SCN7A: variants seen among roughly 807,000 people sequenced by gnomAD.
The protein encoded by SCN7A is sodium voltage-gated channel alpha subunit 7.
SCN7A carries 138 observed loss-of-function variants against 155.2 expected under a neutral mutation model. The ratio of observed to expected loss-of-function variants is 0.89; its 90% CI spans 0.77 to 1.02. The LOEUF is 1.02. Among genes scored for constraint, SCN7A ranks in the 50% least tolerant of loss-of-function variants. SCN7A has a pLI of 0.00. For synonymous variants in SCN7A, 693 were observed against 649.0 expected (o/e 1.07, Z -1.03); for missense variants, 2,058 against 1,986.6 (o/e 1.04, Z -0.68).
intron 5 of SCN7A, among the ~76,000 whole-genome samples, chr2:166,472,669 A>G (rs185913132): frequency 6.6e-4 from 101 of 152,000 alleles, no homozygotes; most frequent in African/African-American, 2.3e-3. Flanking sequence ...ACAGAATTTA[A>G]AGCCCTAGCT....
chr2:166,465,810 T>C lies in SCN7A; in HGVS notation c.842A>G (p.Asn281Ser). 3 of 1,613,904 alleles carry C rather than the reference T, an allele frequency of 1.9e-6. No homozygotes were observed. Among genetic ancestry groups the C allele is most frequent in the African/African-American group, 1.3e-5 (1 of 75,038 alleles). The change falls in exon 8 of 26, where the codon AAC becomes AGC. Residue 281 changes from asparagine to serine, a missense_variant. Physicochemically the swap from Asn to Ser is conservative, Grantham distance 46. Transcript: ENST00000643258. ...AATATAATATGGGTTTCCAGTTCTG[T>C]TGTGCAGGGTTTCATTTTCATTCTC... Reference protein sequence around the residue: ...PQENENETLHNRTGNPYYIRE... With the variant: ...PQENENETLHSRTGNPYYIRE...
Position 166,403,581 on chromosome 2 carries a change from A to G in SCN7A, c.*1999T>C, listed in dbSNP as rs997341065. The G allele has an allele frequency of 1.3e-5, 2 of 152,028 alleles. No homozygotes were observed. Among genetic ancestry groups the G allele is most frequent in the African/African-American group, 4.8e-5 (2 of 41,438 alleles). The allele number at this position is 152,028 out of a possible 1,614,324, so 9.4% of individuals were successfully genotyped here. On this transcript the variant is annotated 3_prime_UTR_variant, in exon 26 of 26. Coordinates refer to ENST00000643258, the MANE Select transcript of SCN7A (RefSeq NM_002976.4). ...AAACAAACATAGCTTAATGTGGTTT[A>G]CAGGTTATATTTATTATTTTCTATA...
At chr2:166,414,263 T>TACAC (rs752928949) in intron 21 of SCN7A, among the ~76,000 whole-genome samples, 2 of 75,034 alleles carry the variant, frequency 2.7e-5, no homozygotes, top group East Asian at 6.8e-4. Flanking sequence ...TAGATATATA[T>TACAC]ACACACACAT....
Position 166,441,682 on chromosome 2 carries a change from C to G in SCN7A, c.1871G>C (p.Trp624Ser). 1 of 1,613,814 alleles carries G rather than the reference C, an allele frequency of 6.2e-7. No individual in the cohort carries two copies. Among genetic ancestry groups the G allele is most frequent in the Middle Eastern group, 1.7e-4 (1 of 6,056 alleles). The stretch of plus-strand genomic sequence containing the variant: ...CAGGACCAAGTCTTTCAGGGCCACC[C>G]ATGAGTTACTAAGAGACCACATCAA... ...QILMWSLSNSWVALKDLVLLL... is the reference protein window; with the variant it reads ...QILMWSLSNSSVALKDLVLLL... The change falls in exon 15 of 26, where the codon TGG becomes TCG. Residue 624 changes from tryptophan (W) to serine (S), a missense_variant. By Grantham distance (177) the Trp-to-Ser change is radical. Transcript: ENST00000643258.
At chr2:166,427,127 T>C (rs1575016397) in intron 18 of SCN7A, among the ~76,000 whole-genome samples, 3 of 152,160 alleles carry the variant, frequency 2.0e-5, no homozygotes, top group African/African-American at 4.8e-5. Flanking sequence ...ATTGTAAATA[T>C]GCACATAGCT....
Position 166,427,785 on chromosome 2 carries a change from T to TA in SCN7A, c.2853+2dup. 3 of 1,604,644 alleles carry TA rather than the reference T, an allele frequency of 1.9e-6. No individual in the cohort carries two copies. Among genetic ancestry groups the TA allele is most frequent in the Middle Eastern group, 1.7e-4 (1 of 6,020 alleles). On this transcript the variant is annotated splice_region_variant and intron_variant, in intron 18 of 25. Transcript: ENST00000643258. ...GTATCAAACACCCTGGCTGCCCACT[T>TA]ACCAGAGTGCCAGTGCTGAGCAGAG...
intron 11 of SCN7A, among the ~76,000 whole-genome samples, chr2:166,453,412 A>C (rs1029833038): frequency 1.3e-5 from 2 of 152,200 alleles, no homozygotes; most frequent in Admixed American, 1.3e-4. Flanking sequence ...TGACCGCAAT[A>C]GTTTGTATAA....
Position 166,406,185 on chromosome 2 carries a change from T to A in SCN7A, c.4444A>T (p.Ile1482Leu). The change falls in exon 26 of 26, where the codon ATA becomes TTA. Residue 1482 changes from isoleucine to leucine, a missense_variant. Ile to Leu is a conservative substitution (Grantham distance 5). Coordinates refer to ENST00000643258, the MANE Select transcript of SCN7A (RefSeq NM_002976.4). ...ATATTTACAATGATCAGCCATGATA[T>A]GAGGATATAACTGACAAAATAAAAA... The part of the protein sequence containing the change: ...GIFYFVSYIL[I>L]SWLIIVNMYI... 1 of 1,612,758 alleles carries A rather than the reference T, an allele frequency of 6.2e-7. No homozygotes were observed. The highest frequency in any genetic ancestry group is 8.5e-7 in the Non-Finnish European group (1 of 1,179,314).
intron 20 of SCN7A, among the ~76,000 whole-genome samples, chr2:166,419,533 A>C (rs1701466009): frequency 6.6e-6 from 1 of 151,684 alleles, no homozygotes. Context: ...CACCTGGCTA[A>C]TTTTTGTATT....
At chr2:166,409,341 C>T (rs912944703) in intron 25 of SCN7A, among the ~76,000 whole-genome samples, 3 of 151,914 alleles carry the variant, frequency 2.0e-5, no homozygotes, top group East Asian at 3.9e-4. Flanking sequence ...AAGACATAAA[C>T]GTCTTTCTAG....
Position 166,404,642 on chromosome 2 carries a change from C to T in SCN7A, c.*938G>A, listed in dbSNP as rs1273511783. The T allele has an allele frequency of 1.3e-5, 2 of 151,664 alleles. No homozygotes were observed. The highest frequency in any genetic ancestry group is 2.9e-5 in the Non-Finnish European group (2 of 67,828). The allele number at this position is 151,664 out of a possible 1,614,324, so 9.4% of individuals were successfully genotyped here. ...CTATACATAATGGTAGTTCTCAACT[C>T]TTCTAATTCATGTTTAAACATACAT... On this transcript the variant is annotated 3_prime_UTR_variant, in exon 26 of 26. Coordinates refer to ENST00000643258, the MANE Select transcript of SCN7A (RefSeq NM_002976.4).
Position 166,465,935 on chromosome 2 carries a change from A to G in SCN7A, c.717T>C (p.Gly239=). The change falls in exon 8 of 26, where the codon GGT becomes GGC. Residue 239 remains glycine (G), a synonymous_variant. Transcript: ENST00000643258. ...VLIHCLKQLI[G]VIILTLFFLS... ...GAAAAAACAGAGTTAGGATAATGACACCAATAAGCTGCTTCAAGCAGTGGA... is the reference window on the plus strand; with the variant it reads ...GAAAAAACAGAGTTAGGATAATGACGCCAATAAGCTGCTTCAAGCAGTGGA... The G allele has an allele frequency of 2.5e-6, 4 of 1,613,602 alleles. No homozygotes were observed. Among genetic ancestry groups the G allele is most frequent in the Non-Finnish European group, 3.4e-6 (4 of 1,179,712 alleles).
chr2:166,473,907 A>G lies in SCN7A; in HGVS notation c.354-19T>C, dbSNP rs1192875710. Reference sequence around the variant, plus strand: ...GAAAAAGGTAGCTTATAGTCAAGGAATAATAGTTAATAAATAATATTGGAA... The same window carrying G: ...GAAAAAGGTAGCTTATAGTCAAGGAGTAATAGTTAATAAATAATATTGGAA... On this transcript the variant is annotated intron_variant, in intron 4 of 25. Coordinates refer to ENST00000643258, the MANE Select transcript of SCN7A (RefSeq NM_002976.4). 12 of 1,225,484 alleles carry G rather than the reference A, an allele frequency of 9.8e-6. No homozygotes were observed. The highest frequency in any genetic ancestry group is 1.5e-5 in the African/African-American group (1 of 66,750). 75.9% of individuals were successfully genotyped at this position (1,225,484 alleles called of 1,614,324 possible).
chr2:166,463,090 A>G (rs917553669), intron 9 of SCN7A, among the ~76,000 whole-genome samples: 6 of 152,242 alleles, frequency 3.9e-5, no homozygotes, highest in African/African-American at 1.2e-4. Context: ...GGTTGAGGGT[A>G]TAATTTTCAA....
At chr2:166,470,535 A>G (rs2105496384) in intron 7 of SCN7A, 80 bp downstream of exon 7, 2 of 1,202,890 alleles carry the variant, frequency 1.7e-6, no homozygotes, top group Middle Eastern at 2.9e-4. Flanking sequence ...TTTCCTCTGA[A>G]CAACAACAGG....
intron 10 of SCN7A, among the ~76,000 whole-genome samples, chr2:166,458,572 G>A (rs1041474896): frequency 6.6e-5 from 10 of 152,066 alleles, no homozygotes; most frequent in Admixed American, 5.2e-4. Flanking sequence ...ATATACAACA[G>A]TGATCTCAAA....
At chr2:166,440,896 G>A (rs1196882010) in intron 15 of SCN7A, 1 of 156,852 alleles carries the variant, frequency 6.4e-6, no homozygotes, top group Non-Finnish European at 1.4e-5. Flanking sequence ...CCAATAGGTG[G>A]TGTATACAGC....
intron 15 of SCN7A, among the ~76,000 whole-genome samples, chr2:166,436,876 G>T (rs1432676979): frequency 6.6e-6 from 1 of 152,166 alleles, no homozygotes; most frequent in East Asian, 1.9e-4. Context: ...GAACTTGAGA[G>T]AGATGATTTC....
chr2:166,486,131 C>T (rs1172384), intron 2 of SCN7A, among the ~76,000 whole-genome samples: 46,286 of 151,986 alleles, frequency 0.3, 7,206 homozygotes, highest in Admixed American at 0.33. Flanking sequence ...TTAGGACATC[C>T]CTGGGACTCT....
Sources: gnomAD v4.1 joint callset for allele counts (sites outside exome capture counted in the v4.1 genomes callset) on GRCh38, gnomAD v4.1.1 for gene constraint, MANE v1.5 for transcripts, NCBI Gene and HGNC (gene_info 2026-07-23, HGNC 2026-07-21) for gene names.